Variants in ZC3H12B observed in about 807,000 individuals in gnomAD.
ZC3H12B encodes probable ribonuclease ZC3H12B.
A neutral mutation model predicts 43.9 loss-of-function variants in ZC3H12B; 7 were observed. That is an observed-to-expected ratio of 0.16 (90% CI 0.09 to 0.30). ZC3H12B has a LOEUF of 0.30. Among genes scored for constraint, ZC3H12B ranks in the 10% least tolerant of loss-of-function variants. ZC3H12B has a pLI of 1.00. For missense variants in ZC3H12B, 475 were observed against 670.2 expected (o/e 0.71, Z 3.22); for synonymous variants, 222 against 241.7 (o/e 0.92, Z 0.76).
chrX:65,262,304 G>A, the ZC3H12B span, among the ~76,000 whole-genome samples: 1 of 110,879 alleles, frequency 9.0e-6, no homozygotes, highest in Non-Finnish European at 1.9e-5. Flanking sequence ...TAAGTTGAGT[G>A]AAAAACCTTC....
chrX:65,194,537 A>G, the ZC3H12B span, among the ~76,000 whole-genome samples: 2 of 111,913 alleles, frequency 1.8e-5, no homozygotes, highest in Admixed American at 1.9e-4. Flanking sequence ...GTCACATAAG[A>G]TAGTTGATGT....
At chrX:65,323,426 G>A in the ZC3H12B span, among the ~76,000 whole-genome samples, 2 of 111,884 alleles carry the variant, frequency 1.8e-5, no homozygotes, top group South Asian at 7.4e-4. Flanking sequence ...TCCCACTTAT[G>A]AGTGAGAACA....
chrX:65,362,696 A>C (rs2066120111), upstream of ZC3H12B, among the ~76,000 whole-genome samples: 1 of 110,600 alleles, frequency 9.0e-6, no homozygotes, highest in Non-Finnish European at 1.9e-5. Flanking sequence ...CCAATATCCC[A>C]TCCCACAGCA....
the ZC3H12B span, among the ~76,000 whole-genome samples, chrX:65,251,818 G>T: frequency 9.0e-6 from 1 of 111,323 alleles, no homozygotes; most frequent in African/African-American, 3.3e-5. Context: ...TTGCTTATCA[G>T]CTTAAGGAAA....
At chrX:65,110,456 A>T in the ZC3H12B span, among the ~76,000 whole-genome samples, 5 of 107,953 alleles carry the variant, frequency 4.6e-5, no homozygotes, top group Non-Finnish European at 7.7e-5. Flanking sequence ...ATCCATTTTG[A>T]GTAACTTTGG....
At chrX:65,223,165 G>T in the ZC3H12B span, among the ~76,000 whole-genome samples, 1 of 111,475 alleles carries the variant, frequency 9.0e-6, no homozygotes, top group South Asian at 3.7e-4. Flanking sequence ...AATGGTATTG[G>T]GTAATTGGCA....
intron 3 of ZC3H12B, among the ~76,000 whole-genome samples, chrX:65,455,879 G>A (rs771442575): frequency 1.8e-5 from 2 of 111,701 alleles, no homozygotes; most frequent in East Asian, 2.8e-4. Context: ...GCCAAACTAA[G>A]CTTCATAAGT....
At chrX:65,461,430 T>C (rs2067744473) in intron 3 of ZC3H12B, among the ~76,000 whole-genome samples, 1 of 112,150 alleles carries the variant, frequency 8.9e-6, no homozygotes, top group African/African-American at 3.2e-5. Context: ...CTATTCAGAA[T>C]AGCAAAGACT....
the ZC3H12B span, among the ~76,000 whole-genome samples, chrX:65,339,833 C>A: frequency 1.8e-5 from 2 of 112,143 alleles, no homozygotes; most frequent in Non-Finnish European, 3.8e-5. Context: ...CACTTCCTCT[C>A]TACACTACAG....
chrX:65,218,640 C>T, the ZC3H12B span, among the ~76,000 whole-genome samples: 2 of 110,741 alleles, frequency 1.8e-5, no homozygotes, highest in African/African-American at 6.6e-5. Context: ...ACCACACCCC[C>T]ATCCCCCACA....
At chrX:65,193,481 A>G in the ZC3H12B span, among the ~76,000 whole-genome samples, 2 of 111,293 alleles carry the variant, frequency 1.8e-5, no homozygotes, top group African/African-American at 3.3e-5. Context: ...ATTGGTTGTA[A>G]TGTTTCCTTT....
the ZC3H12B span, among the ~76,000 whole-genome samples, chrX:65,229,683 T>TGC: frequency 1.0e-5 from 1 of 97,072 alleles, no homozygotes; most frequent in African/African-American, 3.8e-5. Context: ...CAAAGAAATT[T>TGC]ACAAGAAAAA....
the ZC3H12B span, among the ~76,000 whole-genome samples, chrX:65,318,339 T>C: frequency 1.3e-4 from 14 of 110,371 alleles, no homozygotes; most frequent in Non-Finnish European, 2.7e-4. Flanking sequence ...TTTTTTCTTC[T>C]TCTTTCTTCC....
the ZC3H12B span, among the ~76,000 whole-genome samples, chrX:65,257,178 C>G: frequency 8.9e-6 from 1 of 112,090 alleles, no homozygotes; most frequent in East Asian, 2.8e-4. Flanking sequence ...GCACTATTCA[C>G]AACAGCAAAG....
At chrX:65,442,662 T>A (rs1396570458) in intron 3 of ZC3H12B, among the ~76,000 whole-genome samples, 6 of 112,017 alleles carry the variant, frequency 5.4e-5, no homozygotes, top group Non-Finnish European at 1.1e-4. Flanking sequence ...CGAGTAAGAG[T>A]GTCCCAGTCA....
At chrX:65,462,185 A>G (rs922328653) in intron 3 of ZC3H12B, among the ~76,000 whole-genome samples, 2 of 110,798 alleles carry the variant, frequency 1.8e-5, no homozygotes, top group Non-Finnish European at 3.8e-5. Context: ...CTATTTCTTC[A>G]CCCTATTATG....
the ZC3H12B span, among the ~76,000 whole-genome samples, chrX:65,282,099 A>G: frequency 1.5e-3 from 172 of 111,827 alleles, 2 homozygotes; most frequent in Non-Finnish European, 2.1e-3. Context: ...AAGGAAATTA[A>G]CATAATAAAG....
the ZC3H12B span, among the ~76,000 whole-genome samples, chrX:65,317,770 C>CTA: frequency 1.8e-3 from 182 of 99,386 alleles, 1 homozygote; most frequent in Middle Eastern, 5.1e-3. Flanking sequence ...CACACACACA[C>CTA]TATATATATA....
At chrX:65,154,953 T>C in the ZC3H12B span, among the ~76,000 whole-genome samples, 1 of 110,670 alleles carries the variant, frequency 9.0e-6, no homozygotes, top group African/African-American at 3.3e-5. Context: ...CCCTTCTATT[T>C]CTAGTTTGCT....
Sources: allele counts gnomAD v4.1 joint callset (sites outside exome capture counted in the v4.1 genomes callset), GRCh38; gene constraint gnomAD v4.1.1; transcripts MANE v1.5; gene names NCBI Gene and HGNC (gene_info 2026-07-23, HGNC 2026-07-21).